The following PTPDC1 variants were observed in gnomAD, a reference collection of about 807,000 sequenced individuals.
PTPDC1 encodes the protein protein tyrosine phosphatase domain containing 1, also known as protein tyrosine phosphatase domain-containing protein 1.
A neutral mutation model predicts 75.3 loss-of-function variants in PTPDC1; 53 were observed. The ratio of observed to expected loss-of-function variants is 0.70; its 90% CI spans 0.56 to 0.88. The LOEUF (loss-of-function observed/expected upper bound fraction) is 0.88, where lower values mean the gene tolerates loss of function less well. Among genes scored for constraint, PTPDC1 ranks in the 40% least tolerant of loss-of-function variants. The pLI, the probability that PTPDC1 is intolerant of heterozygous loss-of-function variation, is 0.00. For synonymous variants in PTPDC1, 349 were observed against 366.2 expected (o/e 0.95, Z 0.54); for missense variants, 925 against 998.6 (o/e 0.93, Z 0.99).
chr9:94,092,090 C>G lies in PTPDC1; in HGVS notation c.617-3227C>G, dbSNP rs951885162. Among the ~76,000 whole-genome samples the G allele has an allele frequency of 2.2e-4, 33 of 151,420 alleles. 1 individual carries two copies. Among genetic ancestry groups the G allele is most frequent in the African/African-American group, 8.1e-4 (33 of 40,808 alleles). The stretch of plus-strand genomic sequence containing the variant: ...TTTTGTGTCTCTGTTTCCTTCAGTT[C>G]TGCTCTGAGTTTAGTTATTTCTTGC... On this transcript the variant is annotated intron_variant, in intron 4 of 8. Transcript: ENST00000620992.
chr9:94,089,449 G>A (rs1262502120), intron 4 of PTPDC1, among the ~76,000 whole-genome samples: 1 of 120,032 alleles, frequency 8.3e-6, no homozygotes, highest in Admixed American at 8.9e-5. Context: ...TGGTGTATAT[G>A]TGCCACATTT....
chr9:94,095,581 A>T, intron 5 of PTPDC1, 127 bp downstream of exon 5: 1 of 723,024 alleles, frequency 1.4e-6, no homozygotes, highest in Non-Finnish European at 2.3e-6. Context: ...GGAAGAAGGG[A>T]ATAAGTTCTA....
intron 4 of PTPDC1, among the ~76,000 whole-genome samples, chr9:94,091,905 T>C (rs1827336427): frequency 6.6e-6 from 1 of 152,006 alleles, no homozygotes; most frequent in Non-Finnish European, 1.5e-5. Context: ...TGGTAGTTTG[T>C]ATTTCTGTGG....
chr9:94,047,314 G>A (rs181244465), intron 1 of PTPDC1, among the ~76,000 whole-genome samples: 1,968 of 151,940 alleles, frequency 0.013, 53 homozygotes, highest in African/African-American at 0.045. Flanking sequence ...CTCTTTTTTT[G>A]TTGTGTCTCT....
At position 94,086,800 on chromosome 9, in the gene PTPDC1, A is replaced by G. The variant is rs1403901970; in HGVS notation, c.417-1031A>G. On this transcript the variant is annotated intron_variant, in intron 2 of 8. Coordinates refer to ENST00000620992, the MANE Select transcript of PTPDC1 (RefSeq NM_001253829.2). Reference sequence around the variant, plus strand: ...AGCTGTTAATGCCATTTTATCAATGAAAGAATTGAGTTCCAGAGAGACCAA... The same window carrying G: ...AGCTGTTAATGCCATTTTATCAATGGAAGAATTGAGTTCCAGAGAGACCAA... 4.6e-5 allele frequency among the ~76,000 whole-genome samples: 7 copies of G among 152,326 alleles called. No homozygotes were observed. In the East Asian group the frequency reaches 9.6e-4, roughly 21 times the overall value.
chr9:94,065,631 G>C (rs1033163297), intron 2 of PTPDC1, among the ~76,000 whole-genome samples: 5 of 152,154 alleles, frequency 3.3e-5, no homozygotes, highest in Non-Finnish European at 7.3e-5. Context: ...ACTCCACCAG[G>C]GGGCGTTCTC....
chr9:94,046,352 T>G (rs1456361459), intron 1 of PTPDC1, among the ~76,000 whole-genome samples: 4 of 152,174 alleles, frequency 2.6e-5, no homozygotes, highest in Non-Finnish European at 5.9e-5. Flanking sequence ...CCATATGAAC[T>G]TTAGAGTAGT....
At chr9:94,053,996 T>C (rs1378644850) in intron 1 of PTPDC1, among the ~76,000 whole-genome samples, 1 of 152,202 alleles carries the variant, frequency 6.6e-6, no homozygotes, top group East Asian at 1.9e-4. Flanking sequence ...TTTTATTGAA[T>C]GTTTATGCAG....
At chr9:94,050,870 G>C (rs1825767011) in intron 1 of PTPDC1, among the ~76,000 whole-genome samples, 1 of 152,220 alleles carries the variant, frequency 6.6e-6, no homozygotes, top group Non-Finnish European at 1.5e-5. Flanking sequence ...CCCAGTTCGA[G>C]CTTCTCGGCC....
rs1587921249 is a variant in PTPDC1, at chr9:94,108,765, T to C, written c.*821T>C. The C allele has an allele frequency of 6.6e-6, 1 of 152,268 alleles. No individual in the cohort carries two copies. The highest frequency in any genetic ancestry group is 1.5e-5 in the Non-Finnish European group (1 of 68,122). 9.4% of individuals were successfully genotyped at this position (152,268 alleles called of 1,614,324 possible). A position where few individuals can be genotyped will look rare whatever the true frequency, so the allele number is the denominator to read the frequency against. On this transcript the variant is annotated 3_prime_UTR_variant, in exon 9 of 9. Coordinates refer to ENST00000620992, the MANE Select transcript of PTPDC1 (RefSeq NM_001253829.2). The stretch of plus-strand genomic sequence containing the variant: ...AGGAAGTGGGATCAGAGGCAGGAAG[T>C]GTGGAAAGTTGCTAAGAAGCAGGGC...
At chr9:94,039,624 A>C (rs1825372467) in intron 1 of PTPDC1, among the ~76,000 whole-genome samples, 1 of 152,096 alleles carries the variant, frequency 6.6e-6, no homozygotes, top group Admixed American at 6.6e-5. Flanking sequence ...TCTCTACAAA[A>C]AATTTTTTAA....
rs776312041 is a variant in PTPDC1, at chr9:94,098,666, A to G, written c.2013+87A>G. ...GTGATACATTTTCCCAAACTTATTTATTATAGAAATGTGAAGATACGTTTG... is the reference window on the plus strand; with the variant it reads ...GTGATACATTTTCCCAAACTTATTTGTTATAGAAATGTGAAGATACGTTTG... On this transcript the variant is annotated intron_variant, in intron 6 of 8. Coordinates refer to ENST00000620992, the MANE Select transcript of PTPDC1 (RefSeq NM_001253829.2). 3.5e-6 allele frequency: 4 copies of G among 1,141,358 alleles called. No homozygotes were observed. The Admixed American group carries it at 5.8e-5, about 16-fold the overall frequency. 70.7% of individuals were successfully genotyped at this position (1,141,358 alleles called of 1,614,324 possible).
intron 4 of PTPDC1, among the ~76,000 whole-genome samples, chr9:94,094,907 A>G (rs1047153066): frequency 2.0e-5 from 3 of 152,178 alleles, no homozygotes; most frequent in Admixed American, 6.5e-5. Flanking sequence ...GCGCTTCCCA[A>G]GTGAGGCAGT....
At chr9:94,048,780 G>T (rs1825695136) in intron 1 of PTPDC1, among the ~76,000 whole-genome samples, 1 of 152,168 alleles carries the variant, frequency 6.6e-6, no homozygotes, top group Admixed American at 6.5e-5. Flanking sequence ...CTGTATAGCT[G>T]ATCTGTCTAA....
Position 94,101,741 on chromosome 9 carries a change from T to A in PTPDC1, c.2189T>A (p.Leu730Ter). 1 of 1,609,290 alleles carries A rather than the reference T, an allele frequency of 6.2e-7. No individual in the cohort carries two copies. Among genetic ancestry groups the A allele is most frequent in the South Asian group, 1.1e-5 (1 of 90,514 alleles). Reference sequence around the variant, plus strand: ...GCAGATGCCGCAGAAGCACTTTTTTTATTAGAGAAGGTAAAGTGGCTGTAG... The same window carrying A: ...GCAGATGCCGCAGAAGCACTTTTTTAATTAGAGAAGGTAAAGTGGCTGTAG... Reference protein sequence around the residue: ...RRADAAEALFLLEKGQHQTIL... With the variant: ...RRADAAEALF The change falls in exon 7 of 9, where the codon TTA (leucine) becomes TAA (stop). Residue 730 changes from leucine to a stop codon, truncating the protein, a stop_gained. Transcript: ENST00000620992. LOFTEE classifies it high-confidence loss of function.
chr9:94,070,800 C>A (rs565713338), intron 2 of PTPDC1, among the ~76,000 whole-genome samples: 15 of 152,258 alleles, frequency 9.9e-5, no homozygotes, highest in Non-Finnish European at 2.1e-4. Flanking sequence ...TTCAGTCAGC[C>A]TAATTCCTTT....
chr9:94,104,402 CT>C lies in PTPDC1; in HGVS notation c.2310+20del. ...TTCACTAAGGTGGGTCATACTCTTC[CT>C]TTCCCCTCTCTGAACCACAGATCAG... On this transcript the variant is annotated intron_variant, in intron 8 of 8. Coordinates refer to ENST00000620992, the MANE Select transcript of PTPDC1 (RefSeq NM_001253829.2). The C allele has an allele frequency of 6.6e-7, 1 of 1,513,698 alleles. No homozygotes were observed. Among genetic ancestry groups the C allele is most frequent in the Non-Finnish European group, 9.2e-7 (1 of 1,090,044 alleles). 93.8% of individuals were successfully genotyped at this position (1,513,698 alleles called of 1,614,324 possible).
At chr9:94,078,958 T>G (rs1248556123) in intron 2 of PTPDC1, among the ~76,000 whole-genome samples, 1 of 152,236 alleles carries the variant, frequency 6.6e-6, no homozygotes, top group Non-Finnish European at 1.5e-5. Context: ...CTTTGAAGGC[T>G]TTGGTATATC....
In PTPDC1 at chr9:94,087,864, A is replaced by G; in HGVS notation, c.450A>G (p.Pro150=). 3.1e-6 allele frequency: 5 copies of G among 1,613,916 alleles called. No homozygotes were observed. Among genetic ancestry groups the G allele is most frequent in the Non-Finnish European group, 4.2e-6 (5 of 1,179,864 alleles). ...ATAATATACTGGCCATGGCCCGCCC[A>G]TCCTCTGAGCTCCTGGAGAAGTACC... ...VTDNILAMAR[P]SSELLEKYHI... Residue 150 remains proline, a synonymous_variant, in exon 3 of 9, where the codon CCA becomes CCG. Coordinates refer to ENST00000620992, the MANE Select transcript of PTPDC1 (RefSeq NM_001253829.2).
Sources: gnomAD v4.1 joint callset for allele counts (sites outside exome capture counted in the v4.1 genomes callset) on GRCh38, gnomAD v4.1.1 for gene constraint, MANE v1.5 for transcripts, NCBI Gene and HGNC (gene_info 2026-07-23, HGNC 2026-07-21) for gene names.